The following SLC12A6 variants were observed in gnomAD, a reference collection of about 807,000 sequenced individuals.
SLC12A6 encodes the protein K-Cl cotransporter 3.
In SLC12A6, 66 loss-of-function variants were observed where a neutral mutation model predicts 135.3. That is an observed-to-expected ratio of 0.49 (90% CI 0.40 to 0.60). The LOEUF is 0.60. SLC12A6 is among the 20% of genes least tolerant of loss of function. The pLI is 0.00. For synonymous variants in SLC12A6, 513 were observed against 508.8 expected (o/e 1.01, Z -0.11); for missense variants, 1,058 against 1,452.3 (o/e 0.73, Z 4.41).
chr15:34,293,493 G>A (rs969934275), intron 2 of SLC12A6, among the ~76,000 whole-genome samples: 3 of 152,178 alleles, frequency 2.0e-5, no homozygotes, highest in African/African-American at 2.4e-5. Context: ...TAGTAGAGAC[G>A]GGGTTTTGCC....
chr15:34,237,345 C>A (rs1367789879), intron 22 of SLC12A6, 74 bp downstream of exon 22: 4 of 1,437,656 alleles, frequency 2.8e-6, no homozygotes, highest in South Asian at 2.3e-5. Context: ...TTTCCCAAAC[C>A]AGAAAAGATT....
chr15:34,310,798 G>C (rs1343688181), intron 2 of SLC12A6, among the ~76,000 whole-genome samples: 6 of 121,618 alleles, frequency 4.9e-5, no homozygotes, highest in Admixed American at 1.7e-4. Context: ...GTGTGTGTGT[G>C]TGTGTGTGTG....
intron 2 of SLC12A6, among the ~76,000 whole-genome samples, chr15:34,294,078 C>G (rs570842977): frequency 2.6e-5 from 4 of 152,312 alleles, no homozygotes; most frequent in African/African-American, 9.6e-5. Flanking sequence ...CATTTTCTTT[C>G]TTGTGTAAAT....
chr15:34,275,074 T>A (rs1382535439), intron 3 of SLC12A6, among the ~76,000 whole-genome samples: 1 of 152,184 alleles, frequency 6.6e-6, no homozygotes, highest in Non-Finnish European at 1.5e-5. Context: ...CTTTTCCAAA[T>A]TATCTTTAAA....
At chr15:34,272,468 G>A (rs1329078918) in intron 3 of SLC12A6, among the ~76,000 whole-genome samples, 1 of 152,192 alleles carries the variant, frequency 6.6e-6, no homozygotes, top group Non-Finnish European at 1.5e-5. Context: ...GTTCTTCAGA[G>A]CATGAGAAAA....
chr15:34,250,838 T>G, intron 11 of SLC12A6, 61 bp downstream of exon 11: 2 of 1,480,850 alleles, frequency 1.4e-6, no homozygotes, highest in Non-Finnish European at 1.9e-6. Flanking sequence ...TTCTGCCTCC[T>G]GAGAAAAATC....
intron 13 of SLC12A6, among the ~76,000 whole-genome samples, chr15:34,247,504 G>A (rs1370601061): frequency 6.6e-6 from 1 of 151,798 alleles, no homozygotes; most frequent in African/African-American, 2.4e-5. Flanking sequence ...GCGACAGAGC[G>A]AGACTCCATC....
intron 2 of SLC12A6, among the ~76,000 whole-genome samples, chr15:34,290,731 T>C (rs997663430): frequency 1.7e-4 from 26 of 152,094 alleles, no homozygotes; most frequent in Admixed American, 1.6e-3. Context: ...ATTATGTAAA[T>C]GTCTCTTTTG....
chr15:34,266,523 C>T (rs570114369), intron 3 of SLC12A6, among the ~76,000 whole-genome samples: 16 of 152,242 alleles, frequency 1.1e-4, no homozygotes, highest in Middle Eastern at 3.4e-3. Flanking sequence ...CTCACTGCAG[C>T]CTCAGCCTCC....
intron 2 of SLC12A6, among the ~76,000 whole-genome samples, chr15:34,325,513 G>C (rs1197505470): frequency 2.2e-4 from 34 of 152,064 alleles, no homozygotes; most frequent in Non-Finnish European, 5.9e-5. Context: ...AATGAATTTG[G>C]AGGCTAAAAC....
chr15:34,329,536 A>G (rs1889696509), intron 2 of SLC12A6, among the ~76,000 whole-genome samples: 1 of 152,164 alleles, frequency 6.6e-6, no homozygotes, highest in Non-Finnish European at 1.5e-5. Context: ...GAATCTAGAA[A>G]CATGCCACTG....
Position 34,261,031 on chromosome 15 carries a change from A to C in SLC12A6, c.317-11T>G, listed in dbSNP as rs1379282015. 2 of 1,388,638 alleles carry C rather than the reference A, an allele frequency of 1.4e-6. No individual in the cohort carries two copies. Among genetic ancestry groups the C allele is most frequent in the Non-Finnish European group, 2.1e-6 (2 of 974,424 alleles). The allele number at this position is 1,388,638 out of a possible 1,614,324, so 86.0% of individuals were successfully genotyped here. On this transcript the variant is annotated splice_polypyrimidine_tract_variant and intron_variant, in intron 3 of 25. Coordinates refer to ENST00000354181, the MANE Select transcript of SLC12A6 (RefSeq NM_001365088.1). Reference sequence around the variant, plus strand: ...TCTTATGTCCGTCGTCTGGAAAAAAAAAAGTAGACCAAGTTAGTTTCTCAC... The same window carrying C: ...TCTTATGTCCGTCGTCTGGAAAAAACAAAGTAGACCAAGTTAGTTTCTCAC...
chr15:34,336,777 A>ATGTGTTATTTTTC, intron 1 of SLC12A6, 25 bp from the exon 2 acceptor site: 1 of 955,034 alleles, frequency 1.0e-6, no homozygotes, highest in Non-Finnish European at 1.7e-6. Context: ...ATAACTTGAA[A>ATGTGTTATTTTTC]AATAACACAT....
At chr15:34,247,646 C>T (rs1007009011) in intron 13 of SLC12A6, among the ~76,000 whole-genome samples, 9 of 152,044 alleles carry the variant, frequency 5.9e-5, no homozygotes, top group African/African-American at 1.9e-4. Context: ...CTGCCAGTAC[C>T]CAAAATTCTC....
At chr15:34,302,927 G>C (rs1896354468) in intron 2 of SLC12A6, among the ~76,000 whole-genome samples, 1 of 148,156 alleles carries the variant, frequency 6.7e-6, no homozygotes, top group African/African-American at 2.5e-5. Context: ...TTCAGCCTGG[G>C]TGACAGACGG....
At chr15:34,260,204 A>G (rs1047776932) in intron 4 of SLC12A6, among the ~76,000 whole-genome samples, 1 of 152,198 alleles carries the variant, frequency 6.6e-6, no homozygotes, top group African/African-American at 2.4e-5. Flanking sequence ...ATATACAGTT[A>G]TTATTTGACA....
At chr15:34,278,135 G>T (rs1227271815) in intron 2 of SLC12A6, among the ~76,000 whole-genome samples, 2 of 152,192 alleles carry the variant, frequency 1.3e-5, no homozygotes, top group East Asian at 1.9e-4. Context: ...CCTTTAAAAA[G>T]AATTAGCTCG....
At position 34,255,279 on chromosome 15, in the gene SLC12A6, C is replaced by T. The variant is rs763594514; in HGVS notation, c.859G>A (p.Ala287Thr). The T allele has an allele frequency of 6.2e-7, 1 of 1,609,246 alleles. No homozygotes were observed. The highest frequency in any genetic ancestry group is 1.1e-5 in the South Asian group (1 of 90,990). ...TTACTTACCAGAAAGATTTCAATGGCACCAAGGATGTACATGGCTGCTGCA... is the reference window on the plus strand; with the variant it reads ...TTACTTACCAGAAAGATTTCAATGGTACCAAGGATGTACATGGCTGCTGCA... ...TFAAAMYILG[A>T]IEIFLVYIVP... Residue 287 changes from alanine (A) to threonine (T), a missense_variant, in exon 8 of 26, where the codon GCC (alanine) becomes ACC (threonine). By Grantham distance (58) the Ala-to-Thr change is moderately conservative. Around this residue, in one of 6 missense-constraint regions of SLC12A6, gnomAD observed 139 missense variants for 202.2 expected, o/e 0.69. Transcript: ENST00000354181.
At chr15:34,303,172 T>C (rs1007280126) in intron 2 of SLC12A6, among the ~76,000 whole-genome samples, 3 of 152,002 alleles carry the variant, frequency 2.0e-5, no homozygotes, top group South Asian at 2.1e-4. Context: ...AAAGGGGAAT[T>C]AGGGGGACTA....
Sources: allele counts gnomAD v4.1 joint callset (sites outside exome capture counted in the v4.1 genomes callset), GRCh38; gene constraint gnomAD v4.1.1; regional missense constraint gnomAD v4.1.1; transcripts MANE v1.5; gene names NCBI Gene and HGNC (gene_info 2026-07-23, HGNC 2026-07-21).